Variants in MAX observed in about 807,000 individuals in gnomAD.
The protein encoded by MAX is MYC associated transcriptional regulator X, also known as protein max.
A neutral mutation model predicts 22.3 loss-of-function variants in MAX; 3 were observed. The ratio of observed to expected loss-of-function variants is 0.13; its 90% CI spans 0.06 to 0.35. The LOEUF is 0.35. Ranked by LOEUF, MAX falls within the 10% of genes least tolerant of loss-of-function variation. The probability of loss-of-function intolerance (pLI) is 1.00; values close to 1 mark genes in which losing one functional copy is unlikely to be tolerated. For synonymous variants in MAX, 72 were observed against 77.7 expected, an observed-to-expected ratio of 0.93 and a Z score of 0.39; for missense variants, 119 against 209.4, an observed-to-expected ratio of 0.57 and a Z score of 2.66.
chr14:65,066,288 C>T (rs770562093), intron 3 of MAX, among the ~76,000 whole-genome samples: 2 of 152,350 alleles, frequency 1.3e-5, no homozygotes, highest in East Asian at 1.9e-4. Flanking sequence ...GACCTGACAG[C>T]AGCCAGCTTT....
Position 65,011,811 on chromosome 14 carries a change from G to T in MAX, c.172-5527C>A, listed in dbSNP as rs1232065145. Among the ~76,000 whole-genome samples the T allele has an allele frequency of 6.6e-6, 1 of 152,228 alleles. No homozygotes were observed. Among genetic ancestry groups the T allele is most frequent in the Non-Finnish European group, 1.5e-5 (1 of 68,042 alleles). On this transcript the variant is annotated intron_variant, in intron 3 of 3. Transcript: ENST00000341653. The surrounding 1 kb of genome is among the most constrained non-coding windows in gnomAD (Gnocchi z 4.0). The stretch of plus-strand genomic sequence containing the variant: ...CACACGTGGGAGGTGGAATTTCAGG[G>T]AGAGAATAATAGTTGGATAACCGAG...
In MAX at chr14:65,066,879, A is replaced by AAC. The variant is rs36113153; in HGVS notation, c.171+26828_171+26829insGT. On this transcript the variant is annotated intron_variant, in intron 3 of 3. Transcript: ENST00000341653. ...TTCCATCTCAAAAAAAAAAAAAAAAACAATGTATTTTTTAGTTCGGGTGTG... is the reference window on the plus strand; with the variant it reads ...TTCCATCTCAAAAAAAAAAAAAAAAAACCAATGTATTTTTTAGTTCGGGTGTG... Among the ~76,000 whole-genome samples, 7 of 150,424 alleles carry AAC rather than the reference A, an allele frequency of 4.7e-5. No homozygotes were observed. The East Asian group carries it at 9.9e-4, about 21-fold the overall frequency.
At position 65,076,739 on chromosome 14, in the gene MAX, A is replaced by T; in HGVS notation, c.296-76T>A. The T allele has an allele frequency of 6.4e-7, 1 of 1,573,326 alleles. No homozygotes were observed. The highest frequency in any genetic ancestry group is 8.7e-7 in the Non-Finnish European group (1 of 1,143,320). The stretch of plus-strand genomic sequence containing the variant: ...TAACCGAGTCTCAGACTCAGGGTCC[A>T]GCCTGTTCTTCCTAAGGGCTTGCTT... On this transcript the variant is annotated intron_variant, in intron 4 of 4. Coordinates refer to ENST00000358664, the MANE Select transcript of MAX (RefSeq NM_002382.5). This position sits in a 1 kb window ranked among gnomAD's most constrained non-coding sequence, Gnocchi z 6.6.
rs1262874911 is a variant in MAX at position 65,054,467 on chromosome 14, A to G, written c.171+39241T>C. 1.8e-6 allele frequency: 2 copies of G among 1,115,490 alleles called. No homozygotes were observed. Among genetic ancestry groups the G allele is most frequent in the African/African-American group, 3.4e-5 (2 of 58,870 alleles). The allele number at this position is 1,115,490 out of a possible 1,614,324, so 69.1% of individuals were successfully genotyped here. A position where few individuals can be genotyped will look rare whatever the true frequency, so the allele number is the denominator to read the frequency against. ...CATGCCTCCTCTAGCCACATGGAGG[A>G]TGGGGGGGGACGTGTGATTGCACCA... On this transcript the variant is annotated intron_variant, in intron 3 of 3. Transcript: ENST00000341653. The surrounding 1 kb of genome is among the most constrained non-coding windows in gnomAD (Gnocchi z 4.4).
chr14:65,040,639 A>G, intron 3 of MAX: 1 of 861,278 alleles, frequency 1.2e-6, no homozygotes, highest in Admixed American at 4.7e-5. Flanking sequence ...AGACATTTCC[A>G]AAAGTTAATT....
chr14:65,033,934 T>TA (rs947856293), intron 3 of MAX, among the ~76,000 whole-genome samples: 5 of 152,216 alleles, frequency 3.3e-5, no homozygotes, highest in African/African-American at 1.2e-4. Context: ...CTGTTTTAGT[T>TA]AAAAAAATTT....
rs2063283930 is a variant in MAX at position 65,084,760 on chromosome 14, G to C, written c.172-6724C>G. ...AAAATATATTATGTAAAAGCAGCAA[G>C]CTATAAATAGTACTTTCCCTGTGGG... On this transcript the variant is annotated intron_variant, in intron 3 of 4. Coordinates refer to ENST00000358664, the MANE Select transcript of MAX (RefSeq NM_002382.5). This position sits in a 1 kb window ranked among gnomAD's most constrained non-coding sequence, Gnocchi z 4.3. Among the ~76,000 whole-genome samples, 3 of 152,178 alleles carry C rather than the reference G, an allele frequency of 2.0e-5. No homozygotes were observed. The highest frequency in any genetic ancestry group is 6.5e-5 in the Admixed American group (1 of 15,288).
chr14:65,100,772 C>A (rs2063809037), intron 2 of MAX, among the ~76,000 whole-genome samples: 1 of 152,192 alleles, frequency 6.6e-6, no homozygotes, highest in East Asian at 1.9e-4. Context: ...CATGAAACAT[C>A]CATATTACTG....
At chr14:65,038,346 G>T (rs2062262805) in intron 3 of MAX, among the ~76,000 whole-genome samples, 1 of 151,760 alleles carries the variant, frequency 6.6e-6, no homozygotes. Context: ...GGAGGCAGAG[G>T]TTGCAGTGAG....
At chr14:65,049,373 A>T (rs2062558181) in intron 3 of MAX, among the ~76,000 whole-genome samples, 1 of 152,210 alleles carries the variant, frequency 6.6e-6, no homozygotes, top group Non-Finnish European at 1.5e-5. Flanking sequence ...TTTTTTAGAT[A>T]AAAGGAACCT....
intron 3 of MAX, among the ~76,000 whole-genome samples, chr14:65,019,888 T>C (rs2061854003): frequency 6.6e-6 from 1 of 152,242 alleles, no homozygotes; most frequent in Admixed American, 6.5e-5. Context: ...GAAGATTTTT[T>C]TTAGACTAGC....
intron 3 of MAX, among the ~76,000 whole-genome samples, chr14:65,060,867 T>C (rs1186552105): frequency 1.4e-5 from 1 of 73,462 alleles, no homozygotes; most frequent in African/African-American, 8.9e-5. Context: ...AGCAAGACTC[T>C]CTCAAAAAAA....
intron 3 of MAX, among the ~76,000 whole-genome samples, chr14:65,059,916 C>T (rs1255017786): frequency 9.3e-5 from 14 of 150,326 alleles, no homozygotes. Flanking sequence ...TCACTGCAAC[C>T]TCCGCCTCCC....
rs1555335876 is a variant in MAX, at chr14:65,037,403, C to CTTTTTTTTTTTTTTTTTTTTTT, written c.172-31141_172-31120dup. Among the ~76,000 whole-genome samples the CTTTTTTTTTTTTTTTTTTTTTT allele has an allele frequency of 4.7e-4, 14 of 29,646 alleles. 3 individuals carry two copies. The highest frequency in any genetic ancestry group is 1.3e-3 in the Admixed American group (3 of 2,366). 19.4% of individuals were successfully genotyped at this position (29,646 alleles called of 152,430 possible). On this transcript the variant is annotated intron_variant, in intron 3 of 3. Transcript: ENST00000341653. The stretch of plus-strand genomic sequence containing the variant: ...TAGGCGTGAGCCACCACGCCGGGCC[C>CTTTTTTTTTTTTTTTTTTTTTT]TTTTTTTTTTTTTTTTTTTTTTTTT...
rs113927228 is a variant in MAX, at chr14:65,060,279, G to T, written c.171+33429C>A. Among the ~76,000 whole-genome samples the T allele has an allele frequency of 6.2e-3, 948 of 151,706 alleles. 11 individuals carry two copies. Among genetic ancestry groups the T allele is most frequent in the African/African-American group, 0.022 (896 of 41,290 alleles). Reference sequence around the variant, plus strand: ...TTTTTGCTATTTATATACATCACAGGTACAAATACACTTTTTAAAAAGTTT... The same window carrying T: ...TTTTTGCTATTTATATACATCACAGTTACAAATACACTTTTTAAAAAGTTT... On this transcript the variant is annotated intron_variant, in intron 3 of 3. Coordinates refer to the MAX transcript ENST00000341653.
Position 65,012,453 on chromosome 14 carries a change from T to C in MAX, c.172-6169A>G. 1.9e-6 allele frequency: 3 copies of C among 1,603,506 alleles called. No homozygotes were observed. Among genetic ancestry groups the C allele is most frequent in the Non-Finnish European group, 1.7e-6 (2 of 1,172,398 alleles). ...CCACCAAATCCTCCTCCTTTTTCTA[T>C]TTAAACGTAAAAGACTGTTGGGGCT... On this transcript the variant is annotated intron_variant, in intron 3 of 3. Transcript: ENST00000341653. The surrounding 1 kb of genome is among the most constrained non-coding windows in gnomAD (Gnocchi z 5.0).
intron 3 of MAX, among the ~76,000 whole-genome samples, chr14:65,046,439 A>T (rs1426962994): frequency 6.6e-6 from 1 of 152,226 alleles, no homozygotes; most frequent in East Asian, 1.9e-4. Flanking sequence ...AATGAGCTAT[A>T]ACAGGAGCAC....
At chr14:65,060,044 G>A (rs992168143) in intron 3 of MAX, among the ~76,000 whole-genome samples, 3 of 151,364 alleles carry the variant, frequency 2.0e-5, no homozygotes, top group African/African-American at 7.3e-5. Flanking sequence ...TCTTGGCCAG[G>A]CTGGTCTTGA....
rs188060211 is a variant in MAX at position 65,027,416 on chromosome 14, C to G, written c.172-21132G>C. On this transcript the variant is annotated intron_variant, in intron 3 of 3. Coordinates refer to the MAX transcript ENST00000341653. This position sits in a 1 kb window ranked among gnomAD's most constrained non-coding sequence, Gnocchi z 5.7. ...AATTTGGTGTTTTGACATGAATGCT[C>G]TCTGACTTTGTTTTTGCCCTTTGGC... is the stretch of plus-strand genomic sequence containing the variant. 3,457 of 1,611,042 alleles carry G rather than the reference C, an allele frequency of 2.1e-3. 8 individuals are homozygous for G. Among genetic ancestry groups the G allele is most frequent in the Non-Finnish European group, 2.5e-3 (2,992 of 1,178,368 alleles).
Sources: gnomAD v4.1 joint callset for allele counts (sites outside exome capture counted in the v4.1 genomes callset) on GRCh38, gnomAD v4.1.1 for gene constraint, Gnocchi (gnomAD v3.1) non-coding constraint, MANE v1.5 for transcripts, NCBI Gene and HGNC (gene_info 2026-07-23, HGNC 2026-07-21) for gene names.